STX8: variants seen among roughly 807,000 people sequenced by gnomAD.
STX8 encodes the protein syntaxin-8.
STX8 carries 23 observed loss-of-function variants against 37.5 expected under a neutral mutation model. That is an observed-to-expected ratio of 0.61 (90% confidence interval 0.44 to 0.87). STX8 has a LOEUF of 0.87. Ranked by LOEUF, STX8 falls within the 40% of genes least tolerant of loss-of-function variation. The pLI, the probability that STX8 is intolerant of heterozygous loss-of-function variation, is 0.00. For missense variants in STX8, 313 were observed against 284.7 expected, an observed-to-expected ratio of 1.10 and a Z score of -0.71; for synonymous variants, 115 against 99.1, an observed-to-expected ratio of 1.16 and a Z score of -0.95.
At chr17:9,488,006 T>C (rs1453379826) in intron 6 of STX8, among the ~76,000 whole-genome samples, 1 of 152,148 alleles carries the variant, frequency 6.6e-6, no homozygotes, top group East Asian at 1.9e-4. Flanking sequence ...GCCCCACCCC[T>C]GGAGGTTGTG....
intron 7 of STX8, 128 bp downstream of exon 7, chr17:9,378,424 A>G: frequency 1.3e-6 from 1 of 751,756 alleles, no homozygotes; most frequent in Non-Finnish European, 2.3e-6. Flanking sequence ...TCAGTGCTTC[A>G]TCAAATGGAA....
intron 7 of STX8, among the ~76,000 whole-genome samples, chr17:9,290,356 G>A (rs1273065182): frequency 2.0e-5 from 3 of 152,038 alleles, no homozygotes; most frequent in Non-Finnish European, 4.4e-5. Flanking sequence ...GGATGGGGGT[G>A]AGTGCCACCT....
At chr17:9,349,205 C>T (rs1371961866) in intron 7 of STX8, among the ~76,000 whole-genome samples, 3 of 151,226 alleles carry the variant, frequency 2.0e-5, no homozygotes, top group South Asian at 2.1e-4. Flanking sequence ...TTGGCCAGGC[C>T]GGTCTCAAAC....
At chr17:9,321,689 T>C (rs1321230111) in intron 7 of STX8, among the ~76,000 whole-genome samples, 1 of 151,772 alleles carries the variant, frequency 6.6e-6, no homozygotes, top group Non-Finnish European at 1.5e-5. Context: ...TGGCTAATTT[T>C]TTATATCTTT....
intron 6 of STX8, among the ~76,000 whole-genome samples, chr17:9,480,995 C>T (rs1906314843): frequency 6.6e-6 from 1 of 152,106 alleles, no homozygotes; most frequent in African/African-American, 2.4e-5. Context: ...TGCCATTCTC[C>T]TGCCTCAGCC....
At chr17:9,348,660 G>T (rs924391247) in intron 7 of STX8, among the ~76,000 whole-genome samples, 12 of 152,136 alleles carry the variant, frequency 7.9e-5, no homozygotes, top group South Asian at 2.1e-4. Context: ...CACAGTCCCT[G>T]CACTCAGGAA....
At chr17:9,364,666 G>T (rs541274859) in intron 7 of STX8, among the ~76,000 whole-genome samples, 2 of 152,140 alleles carry the variant, frequency 1.3e-5, no homozygotes, top group East Asian at 3.9e-4. Context: ...GAGTAGCTGG[G>T]ATTACAGGTG....
intron 7 of STX8, among the ~76,000 whole-genome samples, chr17:9,349,165 T>C (rs1484195913): frequency 6.6e-6 from 1 of 151,808 alleles, no homozygotes; most frequent in Non-Finnish European, 1.5e-5. Flanking sequence ...CTAATTTTTA[T>C]ATTTTTAGTA....
chr17:9,255,485 C>A (rs751821752), intron 7 of STX8, among the ~76,000 whole-genome samples: 1 of 151,448 alleles, frequency 6.6e-6, no homozygotes, highest in African/African-American at 2.4e-5. Flanking sequence ...TGAGATTGTG[C>A]CACTGCACTC....
intron 7 of STX8, among the ~76,000 whole-genome samples, chr17:9,349,814 T>C (rs1171043367): frequency 1.3e-5 from 2 of 151,774 alleles, no homozygotes; most frequent in South Asian, 4.2e-4. Flanking sequence ...ATGAAATAAA[T>C]GCCTACGGGA....
At chr17:9,324,351 A>G (rs1325290912) in intron 7 of STX8, among the ~76,000 whole-genome samples, 3 of 152,140 alleles carry the variant, frequency 2.0e-5, no homozygotes, top group Non-Finnish European at 4.4e-5. Flanking sequence ...TTCCAAATTA[A>G]CAACTCTGGA....
At chr17:9,550,396 T>C (rs1340551472) in intron 3 of STX8, among the ~76,000 whole-genome samples, 1 of 151,860 alleles carries the variant, frequency 6.6e-6, no homozygotes, top group Non-Finnish European at 1.5e-5. Flanking sequence ...TGATTGTACA[T>C]GTAATTATAG....
chr17:9,362,190 G>A (rs964206781), intron 7 of STX8, among the ~76,000 whole-genome samples: 7 of 151,998 alleles, frequency 4.6e-5, no homozygotes, highest in Admixed American at 4.6e-4. Context: ...AATTAGCCGG[G>A]GTGTTGGCCC....
chr17:9,500,753 A>G (rs1332408730), intron 5 of STX8, among the ~76,000 whole-genome samples: 4 of 152,246 alleles, frequency 2.6e-5, no homozygotes, highest in African/African-American at 9.6e-5. Flanking sequence ...CTGTAATACC[A>G]GCACTTTGGG....
At chr17:9,408,986 CAG>C (rs1912891729) in intron 6 of STX8, among the ~76,000 whole-genome samples, 1 of 151,942 alleles carries the variant, frequency 6.6e-6, no homozygotes, top group Non-Finnish European at 1.5e-5. Context: ...AACTGGAAAT[CAG>C]AGTTAAGCCC....
At chr17:9,471,548 G>A (rs1030828367) in intron 6 of STX8, among the ~76,000 whole-genome samples, 2 of 152,108 alleles carry the variant, frequency 1.3e-5, no homozygotes, top group African/African-American at 2.4e-5. Flanking sequence ...CCATTAACTG[G>A]TAAGAGTGGC....
At chr17:9,318,127 A>AT (rs987067662) in intron 7 of STX8, among the ~76,000 whole-genome samples, 4 of 152,214 alleles carry the variant, frequency 2.6e-5, no homozygotes, top group Admixed American at 2.0e-4. Context: ...CACAGAAATA[A>AT]TTTTTTTTAA....
chr17:9,538,302 C>A (rs533712047), intron 4 of STX8, among the ~76,000 whole-genome samples: 1 of 152,286 alleles, frequency 6.6e-6, no homozygotes, highest in African/African-American at 2.4e-5. Context: ...TAGCAACTTC[C>A]TTCTTCTAGA....
At chr17:9,432,489 T>C (rs1349238726) in intron 6 of STX8, among the ~76,000 whole-genome samples, 1 of 137,778 alleles carries the variant, frequency 7.3e-6, no homozygotes, top group Non-Finnish European at 1.5e-5. Context: ...AAACCTTCCA[T>C]CTAAATCGGA....
Sources: allele counts gnomAD v4.1 joint callset (sites outside exome capture counted in the v4.1 genomes callset), GRCh38; gene constraint gnomAD v4.1.1; transcripts MANE v1.5; gene names NCBI Gene and HGNC (gene_info 2026-07-23, HGNC 2026-07-21).